The following GRM7 variants were observed in gnomAD, a reference collection of about 807,000 sequenced individuals.
The protein encoded by GRM7 is metabotropic glutamate receptor 7.
GRM7 carries 35 observed loss-of-function variants against 84.5 expected under a neutral mutation model. That is an observed-to-expected ratio of 0.41 (90% confidence interval 0.32 to 0.55). GRM7 has a LOEUF of 0.55. Ranked by LOEUF, GRM7 falls within the 20% of genes least tolerant of loss-of-function variation. The pLI is 0.19. For synonymous variants in GRM7, 487 were observed against 455.1 expected, an observed-to-expected ratio of 1.07 and a Z score of -0.89; for missense variants, 1,003 against 1,194.6, an observed-to-expected ratio of 0.84 and a Z score of 2.36.
intron 2 of GRM7, among the ~76,000 whole-genome samples, chr3:7,264,966 T>C (rs1231343016): frequency 6.6e-6 from 1 of 152,256 alleles, no homozygotes; most frequent in African/African-American, 2.4e-5. Context: ...TGGACCTATA[T>C]GCATCTTTCT....
intron 1 of GRM7, among the ~76,000 whole-genome samples, chr3:7,026,113 A>G (rs1695973220): frequency 6.6e-6 from 1 of 152,190 alleles, no homozygotes; most frequent in Non-Finnish European, 1.5e-5. Context: ...TGGCAGTGTC[A>G]TGCCAGTCAT....
chr3:7,387,530 A>G (rs1023487888), intron 4 of GRM7, among the ~76,000 whole-genome samples: 1 of 152,172 alleles, frequency 6.6e-6, no homozygotes, highest in Non-Finnish European at 1.5e-5. Flanking sequence ...CCCTTGTACC[A>G]TTAATTGACT....
At chr3:7,216,344 C>G (rs17638908) in intron 2 of GRM7, among the ~76,000 whole-genome samples, 25,248 of 152,088 alleles carry the variant, frequency 0.17, 2,657 homozygotes, top group Non-Finnish European at 0.23. Flanking sequence ...TGATAATTGA[C>G]TAAAGGCAAG....
At chr3:7,620,530 C>T (rs1464491638) in intron 8 of GRM7, among the ~76,000 whole-genome samples, 1 of 152,092 alleles carries the variant, frequency 6.6e-6, no homozygotes, top group Non-Finnish European at 1.5e-5. Flanking sequence ...CAGCAGTCCT[C>T]ATTTTATATT....
At chr3:7,031,692 A>G (rs1187374657) in intron 1 of GRM7, among the ~76,000 whole-genome samples, 2 of 152,050 alleles carry the variant, frequency 1.3e-5, no homozygotes, top group Non-Finnish European at 2.9e-5. Flanking sequence ...TGTCATTGCT[A>G]CTATTGTACG....
chr3:7,354,447 C>A (rs1224174545), intron 4 of GRM7, among the ~76,000 whole-genome samples: 1 of 152,100 alleles, frequency 6.6e-6, no homozygotes, highest in African/African-American at 2.4e-5. Flanking sequence ...TAGCTGCTGG[C>A]AAAATCCCCA....
At chr3:7,620,993 G>A (rs1697331001) in intron 8 of GRM7, among the ~76,000 whole-genome samples, 2 of 152,212 alleles carry the variant, frequency 1.3e-5, no homozygotes, top group East Asian at 1.9e-4. Context: ...AATTTCCAGG[G>A]TGTCGTAGTC....
At chr3:7,229,505 T>C (rs553237599) in intron 2 of GRM7, among the ~76,000 whole-genome samples, 1 of 151,578 alleles carries the variant, frequency 6.6e-6, no homozygotes, top group African/African-American at 2.4e-5. Context: ...TTAAATTACC[T>C]CTCATCTGTA....
chr3:7,459,731 A>G (rs548473579), intron 6 of GRM7, among the ~76,000 whole-genome samples: 1 of 152,272 alleles, frequency 6.6e-6, no homozygotes, highest in Non-Finnish European at 1.5e-5. Context: ...TATGGGAGCT[A>G]CAATTCAAGA....
At chr3:7,443,056 T>C (rs1289156291) in intron 5 of GRM7, among the ~76,000 whole-genome samples, 6 of 151,960 alleles carry the variant, frequency 3.9e-5, no homozygotes, top group Non-Finnish European at 8.8e-5. Context: ...CCTCTTTTTA[T>C]TCTACTTCCT....
chr3:6,864,123 C>T (rs1265887202), intron 1 of GRM7, among the ~76,000 whole-genome samples: 3 of 152,134 alleles, frequency 2.0e-5, no homozygotes, highest in African/African-American at 7.2e-5. Flanking sequence ...TCAGAGAAAA[C>T]ACTGTCATTT....
chr3:7,573,994 T>C (rs1694833735), intron 7 of GRM7, among the ~76,000 whole-genome samples: 1 of 152,212 alleles, frequency 6.6e-6, no homozygotes, highest in Non-Finnish European at 1.5e-5. Context: ...CATTTCACGC[T>C]CAAAATTCCA....
chr3:6,984,067 C>T lies in GRM7; in HGVS notation c.519+122160C>T, dbSNP rs529642997. Among the ~76,000 whole-genome samples the T allele has an allele frequency of 9.8e-5, 15 of 152,310 alleles. 1 individual carries two copies. Among genetic ancestry groups the T allele is most frequent in the South Asian group, 2.1e-4 (1 of 4,826 alleles). On this transcript the variant is annotated intron_variant, in intron 1 of 9. Transcript: ENST00000357716. ...GACTTGAAGAACAAATCAAAGCTCA[C>T]ATACTCAAAAACATTTTTTTAATTA...
Position 7,462,669 on chromosome 3 carries a change from A to T in GRM7, c.1515+947A>T, listed in dbSNP as rs545946267. On this transcript the variant is annotated intron_variant, in intron 7 of 9. Transcript: ENST00000357716. ...GGTTATGTCATGGTTTCTATGAAGA[A>T]AGGGTTATTCACATAGGGAGCCGTG... Among the ~76,000 whole-genome samples, 3 of 152,322 alleles carry T rather than the reference A, an allele frequency of 2.0e-5. No homozygotes were observed. The South Asian group carries it at 6.2e-4, about 32-fold the overall frequency.
chr3:6,939,709 A>T (rs1035551975), intron 1 of GRM7, among the ~76,000 whole-genome samples: 2 of 152,120 alleles, frequency 1.3e-5, no homozygotes, highest in Admixed American at 6.5e-5. Context: ...AAATCCCATC[A>T]TTATCCTGGT....
intron 1 of GRM7, among the ~76,000 whole-genome samples, chr3:6,989,486 A>G (rs1694553208): frequency 1.3e-5 from 2 of 152,230 alleles, no homozygotes; most frequent in Non-Finnish European, 2.9e-5. Flanking sequence ...GCTATCATAT[A>G]TAAATAGAAA....
intron 2 of GRM7, among the ~76,000 whole-genome samples, chr3:7,150,120 G>A (rs913735069): frequency 6.6e-6 from 1 of 151,884 alleles, no homozygotes; most frequent in Non-Finnish European, 1.5e-5. Context: ...AGAGAGGGGG[G>A]TGCATAGACT....
intron 7 of GRM7, among the ~76,000 whole-genome samples, chr3:7,504,561 C>A (rs568743212): frequency 1.3e-5 from 2 of 152,308 alleles, no homozygotes; most frequent in South Asian, 4.1e-4. Flanking sequence ...CTGGTAAGGG[C>A]CTTCTTGCTT....
chr3:7,615,158 A>G (rs1006714023), intron 8 of GRM7, among the ~76,000 whole-genome samples: 2 of 152,070 alleles, frequency 1.3e-5, no homozygotes, highest in Admixed American at 6.6e-5. Flanking sequence ...ATGAGTATAT[A>G]TGTACATATG....
Sources: allele counts gnomAD v4.1 joint callset (sites outside exome capture counted in the v4.1 genomes callset), GRCh38; gene constraint gnomAD v4.1.1; transcripts MANE v1.5; gene names NCBI Gene and HGNC (gene_info 2026-07-23, HGNC 2026-07-21).